The following ZNF577 variants were observed in gnomAD, a reference collection of about 807,000 sequenced individuals.
ZNF577 encodes zinc finger protein 577.
ZNF577 carries 14 observed loss-of-function variants against 13.9 expected under a neutral mutation model. That is an observed-to-expected ratio of 1.00 (90% confidence interval 0.66 to 1.57). ZNF577 has a LOEUF of 1.57. ZNF577 is among the 40% of genes most tolerant of loss of function. ZNF577 has a pLI of 0.00. For synonymous variants in ZNF577, 203 were observed against 202.9 expected (o/e 1.00, Z 0.00); for missense variants, 555 against 579.2 (o/e 0.96, Z 0.43).
chr19:51,815,268 T>C (rs1237529193), intron 9 of ZNF577, among the ~76,000 whole-genome samples: 1 of 151,834 alleles, frequency 6.6e-6, no homozygotes, highest in East Asian at 1.9e-4. Context: ...TTGAGCTCTA[T>C]AAAAAAATGT....
At chr19:51,810,451 G>C (rs1473500107) in intron 10 of ZNF577, among the ~76,000 whole-genome samples, 2 of 152,170 alleles carry the variant, frequency 1.3e-5, no homozygotes, top group Admixed American at 6.5e-5. Context: ...ATTGTACTGG[G>C]ACTCCCTCTT....
At chr19:51,851,729 T>A (rs2084379672) in intron 5 of ZNF577, among the ~76,000 whole-genome samples, 1 of 152,178 alleles carries the variant, frequency 6.6e-6, no homozygotes. Context: ...CAGCAGCCTA[T>A]GCTCTCAAAG....
At chr19:51,877,142 T>G in intron 5 of ZNF577, 140 bp downstream of exon 5, 2 of 629,550 alleles carry the variant, frequency 3.2e-6, no homozygotes, top group South Asian at 4.0e-5. Context: ...TGGACACAGA[T>G]GCAGAAAGGC....
chr19:51,839,151 T>C (rs1201246891), intron 9 of ZNF577, among the ~76,000 whole-genome samples: 1 of 152,188 alleles, frequency 6.6e-6, no homozygotes, highest in Non-Finnish European at 1.5e-5. Context: ...TTCAATACCT[T>C]GCCCAAAGTC....
At position 51,848,342 on chromosome 19, in the gene ZNF577, G is replaced by A. The variant is rs189977619; in HGVS notation, c.284-3411C>T. 3.3e-5 allele frequency among the ~76,000 whole-genome samples: 5 copies of A among 152,208 alleles called. No individual in the cohort carries two copies. In the East Asian group the frequency reaches 9.6e-4, roughly 29 times the overall value. On this transcript the variant is annotated intron_variant and NMD_transcript_variant, in intron 5 of 10. Transcript: ENST00000638827. The stretch of plus-strand genomic sequence containing the variant: ...GGGTCCCTAGGGGAAAGAAGGGAGG[G>A]AGAATTAGGAAGCTTGTACAGCTAA...
exon 9 of ZNF577, chr19:51,840,001 G>A (rs149011817): frequency 1.3e-5 from 2 of 152,142 alleles, no homozygotes; most frequent in Admixed American, 1.3e-4. Context: ...GCACCTTCGC[G>A]GAACACAAGA....
rs780953746 is a variant in ZNF577 at position 51,854,496 on chromosome 19, A to ATTTT, written c.284-9569_284-9566dup. ...GGAATGCACCACCATGCCCAGCTAAATTTTTTTTTTTTTTTTTTTTAGAGA... is the reference window on the plus strand; with the variant it reads ...GGAATGCACCACCATGCCCAGCTAAATTTTTTTTTTTTTTTTTTTTTTTTAGAGA... On this transcript the variant is annotated intron_variant and NMD_transcript_variant, in intron 5 of 10. Transcript: ENST00000638827. Among the ~76,000 whole-genome samples, 821 of 123,192 alleles carry ATTTT rather than the reference A, an allele frequency of 6.7e-3. 20 individuals carry two copies. The highest frequency in any genetic ancestry group is 0.023 in the African/African-American group (698 of 30,100). The allele number at this position is 123,192 out of a possible 152,430, so 80.8% of individuals were successfully genotyped here.
At chr19:51,829,797 A>G (rs1027516222) in intron 9 of ZNF577, among the ~76,000 whole-genome samples, 1 of 152,186 alleles carries the variant, frequency 6.6e-6, no homozygotes, top group Admixed American at 6.5e-5. Context: ...GGCAATTTTC[A>G]AGAGCAAGTG....
At chr19:51,831,615 T>C (rs559270468) in intron 9 of ZNF577, among the ~76,000 whole-genome samples, 1 of 131,540 alleles carries the variant, frequency 7.6e-6, no homozygotes, top group Admixed American at 7.0e-5. Context: ...GCAGCCAAAG[T>C]TTTTTTTTTC....
At chr19:51,829,777 A>G (rs1012067230) in intron 9 of ZNF577, among the ~76,000 whole-genome samples, 6 of 152,318 alleles carry the variant, frequency 3.9e-5, no homozygotes, top group Admixed American at 1.3e-4. Flanking sequence ...GCAACTGCAC[A>G]AGTCCCCTTG....
downstream of ZNF577, among the ~76,000 whole-genome samples, chr19:51,867,013 GAAGA>G (rs990715304): frequency 8.3e-4 from 126 of 151,800 alleles, no homozygotes; most frequent in African/African-American, 2.6e-3. Context: ...AGGAAAGAAA[GAAGA>G]AAGAAAAGAA....
chr19:51,857,519 T>G (rs1243113139), intron 5 of ZNF577, among the ~76,000 whole-genome samples: 1 of 152,200 alleles, frequency 6.6e-6, no homozygotes, highest in Non-Finnish European at 1.5e-5. Flanking sequence ...CAATTTCATA[T>G]CTTGGTAGAA....
At chr19:51,821,718 A>C (rs2084191215) in intron 9 of ZNF577, among the ~76,000 whole-genome samples, 1 of 152,040 alleles carries the variant, frequency 6.6e-6, no homozygotes, top group South Asian at 2.1e-4. Context: ...AGTGGCTCTA[A>C]AGTTGCTCAT....
intron 4 of ZNF577, 115 bp downstream of exon 4, chr19:51,878,274 C>T (rs2084798690): frequency 3.4e-6 from 4 of 1,191,860 alleles, no homozygotes; most frequent in Admixed American, 2.7e-5. Context: ...TTTACCACCA[C>T]AACAAAAAAT....
chr19:51,834,480 T>C (rs142738290), intron 9 of ZNF577, among the ~76,000 whole-genome samples: 1,729 of 152,324 alleles, frequency 0.011, 100 homozygotes, highest in Admixed American at 0.1. Flanking sequence ...TTATACTAAG[T>C]ATATTCCATG....
intron 9 of ZNF577, among the ~76,000 whole-genome samples, chr19:51,838,274 T>C (rs1454338287): frequency 2.0e-5 from 3 of 152,114 alleles, no homozygotes; most frequent in Non-Finnish European, 4.4e-5. Flanking sequence ...TACACAATTC[T>C]AGATGGAAAT....
chr19:51,807,131 C>G (rs1422124231), intron 10 of ZNF577, among the ~76,000 whole-genome samples: 1 of 152,152 alleles, frequency 6.6e-6, no homozygotes, highest in Non-Finnish European at 1.5e-5. Context: ...AAGAAGCGGT[C>G]AGGGGGCAGC....
chr19:51,850,818 T>C (rs934529213), intron 5 of ZNF577, among the ~76,000 whole-genome samples: 13 of 152,224 alleles, frequency 8.5e-5, no homozygotes, highest in Non-Finnish European at 1.5e-5. Context: ...ATAATCATGG[T>C]GGTAACATGA....
intron 9 of ZNF577, among the ~76,000 whole-genome samples, chr19:51,830,841 A>C (rs1263969664): frequency 2.6e-5 from 4 of 152,252 alleles, no homozygotes; most frequent in African/African-American, 7.2e-5. Context: ...ATGTGTTCCT[A>C]TAACTTGAAA....
Sources: gnomAD v4.1 joint callset for allele counts (sites outside exome capture counted in the v4.1 genomes callset) on GRCh38, gnomAD v4.1.1 for gene constraint, MANE v1.5 for transcripts, NCBI Gene and HGNC (gene_info 2026-07-23, HGNC 2026-07-21) for gene names.